Variants in CACNA2D3 observed in about 807,000 individuals in gnomAD.
The protein encoded by CACNA2D3 is calcium voltage-gated channel auxiliary subunit alpha2delta 3.
Under a neutral mutation model 160.6 loss-of-function variants are expected in CACNA2D3, and 60 were observed. The observed-to-expected ratio is 0.37, with a 90% CI of 0.30 to 0.46. CACNA2D3 has a LOEUF of 0.46. CACNA2D3 is among the 20% of genes least tolerant of loss of function. CACNA2D3 has a pLI of 1.00. For synonymous variants in CACNA2D3, 558 were observed against 492.9 expected, an observed-to-expected ratio of 1.13 and a Z score of -1.75; for missense variants, 1,205 against 1,365.0, an observed-to-expected ratio of 0.88 and a Z score of 1.85.
At chr3:54,668,172 A>G (rs2106893221) in intron 11 of CACNA2D3, among the ~76,000 whole-genome samples, 1 of 152,292 alleles carries the variant, frequency 6.6e-6, no homozygotes, top group African/African-American at 2.4e-5. Flanking sequence ...CATGGGAGAG[A>G]ATGCCTTAAA....
At chr3:54,852,063 C>T (rs183752915) in intron 17 of CACNA2D3, among the ~76,000 whole-genome samples, 138 of 152,330 alleles carry the variant, frequency 9.1e-4, no homozygotes, top group African/African-American at 2.7e-3. Context: ...ATTTCCACCA[C>T]CACCCGTCAT....
chr3:54,704,969 G>A (rs912770385), intron 11 of CACNA2D3, among the ~76,000 whole-genome samples: 3 of 152,008 alleles, frequency 2.0e-5, no homozygotes, highest in Non-Finnish European at 2.9e-5. Context: ...TTCCTGGGGG[G>A]CTTTCTGCAT....
intron 8 of CACNA2D3, among the ~76,000 whole-genome samples, chr3:54,579,301 A>C (rs1702636596): frequency 6.6e-6 from 1 of 152,164 alleles, no homozygotes; most frequent in Admixed American, 6.5e-5. Context: ...ACAGTAGCTC[A>C]ACATTATCTT....
At chr3:54,144,819 CAGTA>C (rs1297044995) in intron 2 of CACNA2D3, among the ~76,000 whole-genome samples, 1 of 152,228 alleles carries the variant, frequency 6.6e-6, no homozygotes, top group Admixed American at 6.5e-5. Context: ...ATTGAACACA[CAGTA>C]AGGGCTCAGT....
chr3:54,730,918 A>G (rs568234587), intron 11 of CACNA2D3, among the ~76,000 whole-genome samples: 1 of 152,196 alleles, frequency 6.6e-6, no homozygotes, highest in Non-Finnish European at 1.5e-5. Flanking sequence ...CTTTAAACAC[A>G]TGTTTTGGGT....
chr3:54,882,387 T>TCACA (rs1269940351), intron 21 of CACNA2D3, among the ~76,000 whole-genome samples: 1 of 151,976 alleles, frequency 6.6e-6, no homozygotes, highest in African/African-American at 2.4e-5. Context: ...TCTCTCTCTC[T>TCACA]CACACACACA....
chr3:54,963,459 G>C (rs970090754), intron 27 of CACNA2D3, among the ~76,000 whole-genome samples: 5 of 152,150 alleles, frequency 3.3e-5, no homozygotes, highest in African/African-American at 1.2e-4. Flanking sequence ...TGTGGCTACG[G>C]AGCACTTGAC....
chr3:54,462,976 G>T (rs1204109735), intron 4 of CACNA2D3, among the ~76,000 whole-genome samples: 1 of 150,122 alleles, frequency 6.7e-6, no homozygotes, highest in Non-Finnish European at 1.5e-5. Context: ...GCCTGGTGGT[G>T]ACAAAATCTC....
intron 17 of CACNA2D3, among the ~76,000 whole-genome samples, chr3:54,867,596 C>T (rs1456089171): frequency 6.7e-6 from 1 of 149,390 alleles, no homozygotes. Flanking sequence ...ATACATGAAA[C>T]ATCCAAGGAT....
intron 35 of CACNA2D3, among the ~76,000 whole-genome samples, chr3:55,070,995 C>G (rs1203795681): frequency 6.6e-6 from 1 of 152,074 alleles, no homozygotes. Context: ...ATCATGCTTT[C>G]AGAAATCCCT....
At chr3:54,747,235 C>G (rs190016062) in intron 11 of CACNA2D3, among the ~76,000 whole-genome samples, 2 of 152,146 alleles carry the variant, frequency 1.3e-5, no homozygotes, top group Non-Finnish European at 2.9e-5. Flanking sequence ...TTCTGAACCT[C>G]GGGAGGGTGG....
At chr3:54,763,649 A>C (rs547482238) in intron 12 of CACNA2D3, among the ~76,000 whole-genome samples, 115 of 128,868 alleles carry the variant, frequency 8.9e-4, no homozygotes, top group South Asian at 4.8e-3. Flanking sequence ...GTGTGTGTAT[A>C]TATATGTGTG....
chr3:54,492,892 AGCCCAGAGAGAATGGAAT>A (rs1050069022), intron 4 of CACNA2D3, among the ~76,000 whole-genome samples: 1 of 152,142 alleles, frequency 6.6e-6, no homozygotes, highest in Non-Finnish European at 1.5e-5. Flanking sequence ...GCACGGAGTG[AGCCCAGAGAGAATGGAAT>A]GCCCAGAGAG....
At chr3:54,830,605 C>G (rs992921999) in intron 14 of CACNA2D3, among the ~76,000 whole-genome samples, 19 of 152,116 alleles carry the variant, frequency 1.2e-4, no homozygotes, top group African/African-American at 4.6e-4. Flanking sequence ...AGGAGTGCCC[C>G]CACCACGCCC....
At chr3:54,413,423 T>C (rs1426906756) in intron 4 of CACNA2D3, among the ~76,000 whole-genome samples, 1 of 147,656 alleles carries the variant, frequency 6.8e-6, no homozygotes. Context: ...TATATAGATA[T>C]CTATATATAT....
At chr3:54,971,112 CAA>C (rs1026101922) in intron 29 of CACNA2D3, among the ~76,000 whole-genome samples, 3 of 139,220 alleles carry the variant, frequency 2.2e-5, no homozygotes, top group Non-Finnish European at 3.1e-5. Context: ...GTCACAGTAT[CAA>C]AAAAAAAAAA....
At chr3:54,145,784 G>A (rs1229270203) in intron 2 of CACNA2D3, among the ~76,000 whole-genome samples, 5 of 152,170 alleles carry the variant, frequency 3.3e-5, no homozygotes, top group African/African-American at 1.2e-4. Flanking sequence ...TTATGGAAGA[G>A]TGTCCACTTT....
intron 9 of CACNA2D3, among the ~76,000 whole-genome samples, chr3:54,598,525 G>T (rs560452571): frequency 1.3e-5 from 2 of 152,174 alleles, no homozygotes; most frequent in Admixed American, 6.5e-5. Context: ...TTACATCCCA[G>T]ATGGTTCGAA....
chr3:54,814,546 C>T (rs1222506855), intron 13 of CACNA2D3, among the ~76,000 whole-genome samples: 1 of 152,228 alleles, frequency 6.6e-6, no homozygotes, highest in Non-Finnish European at 1.5e-5. Context: ...GCTATTCTAC[C>T]CTGAGACTCC....
Sources: allele counts gnomAD v4.1 joint callset (sites outside exome capture counted in the v4.1 genomes callset), GRCh38; gene constraint gnomAD v4.1.1; transcripts MANE v1.5; gene names NCBI Gene and HGNC (gene_info 2026-07-23, HGNC 2026-07-21).